SPHKAP: variants seen among roughly 807,000 people sequenced by gnomAD.
SPHKAP encodes SPHK1 interactor, AKAP domain containing, also known as A-kinase anchor protein SPHKAP.
A neutral mutation model predicts 137.5 loss-of-function variants in SPHKAP; 67 were observed. The observed-to-expected ratio is 0.49, with a 90% CI of 0.40 to 0.60. SPHKAP has a LOEUF of 0.60. Ranked by LOEUF, SPHKAP falls within the 20% of genes least tolerant of loss-of-function variation. The pLI is 0.00. For synonymous variants in SPHKAP, 813 were observed against 785.3 expected (o/e 1.04, Z -0.59); for missense variants, 2,097 against 2,069.3 (o/e 1.01, Z -0.26).
chr2:228,062,223 C>T (rs561739372), intron 3 of SPHKAP, among the ~76,000 whole-genome samples: 24 of 150,312 alleles, frequency 1.6e-4, no homozygotes, highest in Admixed American at 6.0e-4. Flanking sequence ...CTCCTGGGTT[C>T]GAACAATTCT....
At chr2:228,160,506 G>A (rs556528200) in intron 1 of SPHKAP, among the ~76,000 whole-genome samples, 1 of 152,224 alleles carries the variant, frequency 6.6e-6, no homozygotes, top group South Asian at 2.1e-4. Context: ...AGCAAAGAGG[G>A]AAAAGCCCCT....
At chr2:228,060,065 A>G (rs998251964) in intron 3 of SPHKAP, among the ~76,000 whole-genome samples, 5 of 152,172 alleles carry the variant, frequency 3.3e-5, no homozygotes, top group African/African-American at 1.2e-4. Context: ...GTTTGAAGAC[A>G]ATTCTGATGC....
At chr2:228,080,156 C>T (rs568686580) in intron 3 of SPHKAP, among the ~76,000 whole-genome samples, 17 of 151,936 alleles carry the variant, frequency 1.1e-4, no homozygotes, top group Middle Eastern at 3.4e-3. Context: ...GCTTCTGCAC[C>T]GCCAAGGAAA....
chr2:228,017,256 T>A lies in SPHKAP; in HGVS notation c.3598A>T (p.Arg1200Trp). ...ITEEFYRYMLRDIERDSRESA... is the reference protein window; with the variant it reads ...ITEEFYRYMLWDIERDSRESA... ...TCTCTGCTGTCTCTTTCGATGTCCC[T>A]CAGCATGTACCTGTAGAACTCCTCA... is the stretch of plus-strand genomic sequence containing the variant. Residue 1200 changes from arginine to tryptophan, a missense_variant, in exon 7 of 12, where the codon AGG becomes TGG. Transcript: ENST00000392056. The A allele has an allele frequency of 6.2e-7, 1 of 1,614,068 alleles. No homozygotes were observed. The highest frequency in any genetic ancestry group is 8.5e-7 in the Non-Finnish European group (1 of 1,180,030).
chr2:228,088,106 A>G (rs1181738245), intron 3 of SPHKAP, among the ~76,000 whole-genome samples: 3 of 152,206 alleles, frequency 2.0e-5, no homozygotes, highest in Non-Finnish European at 4.4e-5. Context: ...GAAGAAAATG[A>G]GACCAGGTAA....
rs540258862 is a variant in SPHKAP, at chr2:228,014,455, T to C, written c.4448+1951A>G. On this transcript the variant is annotated intron_variant, in intron 7 of 11. Coordinates refer to ENST00000392056, the MANE Select transcript of SPHKAP (RefSeq NM_001142644.2). The stretch of plus-strand genomic sequence containing the variant: ...GTCTATAACTGGAGAACTACTGATG[T>C]ATAAAAATGTGTCTTTTTGGTTAGC... Among the ~76,000 whole-genome samples, 25 of 152,360 alleles carry C rather than the reference T, an allele frequency of 1.6e-4. 1 individual carries two copies. In the South Asian group the frequency reaches 4.6e-3, roughly 28 times the overall value.
intron 1 of SPHKAP, among the ~76,000 whole-genome samples, chr2:228,137,906 T>A (rs1380176401): frequency 1.3e-5 from 2 of 152,206 alleles, no homozygotes; most frequent in Non-Finnish European, 2.9e-5. Context: ...GAGGTTTAAG[T>A]CAATTTTTCA....
chr2:228,157,887 A>T (rs1224480874), intron 1 of SPHKAP, among the ~76,000 whole-genome samples: 1 of 152,198 alleles, frequency 6.6e-6, no homozygotes, highest in Non-Finnish European at 1.5e-5. Flanking sequence ...AAGAAAAAAA[A>T]ATGTCACCAA....
At chr2:228,110,428 A>G (rs1698483079) in intron 2 of SPHKAP, among the ~76,000 whole-genome samples, 1 of 152,170 alleles carries the variant, frequency 6.6e-6, no homozygotes, top group African/African-American at 2.4e-5. Context: ...CAGTACAAAG[A>G]GACCCTTTGT....
rs75615134 is a variant in SPHKAP, at chr2:228,100,759, G to T, written c.246+8073C>A. The stretch of plus-strand genomic sequence containing the variant: ...TTCAGTTTGCTAATATTTTATTGGG[G>T]TTTTTTTGCATCTATGTTTATCAGC... On this transcript the variant is annotated intron_variant, in intron 3 of 11. Transcript: ENST00000392056. Among the ~76,000 whole-genome samples the T allele has an allele frequency of 9.8e-3, 1,484 of 152,088 alleles. 27 individuals are homozygous for T. The highest frequency in any genetic ancestry group is 0.033 in the African/African-American group (1,368 of 41,472).
chr2:228,030,393 A>G (rs1264069346), intron 3 of SPHKAP, among the ~76,000 whole-genome samples: 1 of 151,498 alleles, frequency 6.6e-6, no homozygotes, highest in Non-Finnish European at 1.5e-5. Flanking sequence ...GCACACCTGT[A>G]TTCCCAGCTA....
chr2:228,140,804 C>A (rs1233675579), intron 1 of SPHKAP, among the ~76,000 whole-genome samples: 1 of 151,850 alleles, frequency 6.6e-6, no homozygotes, highest in Non-Finnish European at 1.5e-5. Flanking sequence ...TGGATGACAC[C>A]CCCCTCTCGC....
chr2:228,010,574 G>A (rs1368504779), intron 7 of SPHKAP, among the ~76,000 whole-genome samples: 1 of 152,090 alleles, frequency 6.6e-6, no homozygotes, highest in East Asian at 1.9e-4. Context: ...AGGGCAAGTT[G>A]AGTTTCAATA....
intron 7 of SPHKAP, among the ~76,000 whole-genome samples, chr2:227,999,726 A>G (rs1693777994): frequency 1.3e-5 from 2 of 152,238 alleles, no homozygotes; most frequent in African/African-American, 2.4e-5. Context: ...ATGAATAATC[A>G]TTATCCACAA....
intron 1 of SPHKAP, among the ~76,000 whole-genome samples, chr2:228,143,786 G>T (rs1358432486): frequency 6.6e-6 from 1 of 150,928 alleles, no homozygotes; most frequent in Non-Finnish European, 1.5e-5. Flanking sequence ...GATTACAAGC[G>T]TGAGCCACCA....
intron 2 of SPHKAP, among the ~76,000 whole-genome samples, chr2:228,122,124 T>C (rs1698926829): frequency 1.3e-5 from 2 of 152,124 alleles, no homozygotes; most frequent in South Asian, 4.1e-4. Flanking sequence ...AAACTTGTTG[T>C]GTTTCTGGAC....
At chr2:228,057,077 A>C (rs954858109) in intron 3 of SPHKAP, among the ~76,000 whole-genome samples, 1 of 152,230 alleles carries the variant, frequency 6.6e-6, no homozygotes, top group Non-Finnish European at 1.5e-5. Context: ...ACCTGACTTG[A>C]CATTATCCCT....
At chr2:228,096,630 C>CTG (rs59745287) in intron 3 of SPHKAP, among the ~76,000 whole-genome samples, 4,976 of 148,846 alleles carry the variant, frequency 0.033, 102 homozygotes, top group African/African-American at 0.048. Context: ...CAGGGGTCAA[C>CTG]TGTGTGTGTG....
At chr2:228,069,364 T>A (rs1471669637) in intron 3 of SPHKAP, among the ~76,000 whole-genome samples, 1 of 152,166 alleles carries the variant, frequency 6.6e-6, no homozygotes, top group East Asian at 1.9e-4. Flanking sequence ...GTTTGTCCAC[T>A]CCTTGCACTG....
Sources: allele counts gnomAD v4.1 joint callset (sites outside exome capture counted in the v4.1 genomes callset), GRCh38; gene constraint gnomAD v4.1.1; transcripts MANE v1.5; gene names NCBI Gene and HGNC (gene_info 2026-07-23, HGNC 2026-07-21).